Variants in COL5A2 observed in about 807,000 individuals in gnomAD.
COL5A2 encodes the protein collagen type V alpha 2 chain.
In COL5A2, 23 loss-of-function variants were observed where a neutral mutation model predicts 208.2. That is an observed-to-expected ratio of 0.11 (90% CI 0.08 to 0.16). The LOEUF is 0.16. COL5A2 is among the 10% of genes least tolerant of loss of function. The pLI is 1.00. For missense variants in COL5A2, 1,590 were observed against 1,956.4 expected (o/e 0.81, Z 3.53); for synonymous variants, 625 against 628.5 (o/e 0.99, Z 0.08).
At chr2:189,233,182 A>G in the COL5A2 span, among the ~76,000 whole-genome samples, 3 of 151,740 alleles carry the variant, frequency 2.0e-5, no homozygotes, top group Non-Finnish European at 2.9e-5. Context: ...CAGAGGGTAC[A>G]AATCATTGTT....
chr2:189,067,647 C>G (rs1266776227), intron 21 of COL5A2, among the ~76,000 whole-genome samples: 1 of 152,028 alleles, frequency 6.6e-6, no homozygotes, highest in Non-Finnish European at 1.5e-5. Context: ...GTTGTTGAAC[C>G]CTAGCCTAAT....
At chr2:189,185,298 C>T (rs1688836517) in intron 1 of COL5A2, among the ~76,000 whole-genome samples, 1 of 152,218 alleles carries the variant, frequency 6.6e-6, no homozygotes, top group Admixed American at 6.5e-5. Flanking sequence ...GCTGGGATTA[C>T]AGGCGTGAGC....
At chr2:189,128,314 G>T (rs780695349) in intron 1 of COL5A2, among the ~76,000 whole-genome samples, 45 of 151,984 alleles carry the variant, frequency 3.0e-4, no homozygotes, top group Admixed American at 3.9e-4. Context: ...GCAAATCCCA[G>T]TAATTATCTT....
the COL5A2 span, among the ~76,000 whole-genome samples, chr2:189,320,708 A>G: frequency 2.3e-4 from 35 of 152,366 alleles, 1 homozygote; most frequent in Non-Finnish European, 1.0e-4. Context: ...CCTGAAAGTG[A>G]TGGGGAGAAT....
intron 18 of COL5A2, among the ~76,000 whole-genome samples, chr2:189,070,685 T>C (rs540680747): frequency 6.6e-6 from 1 of 152,278 alleles, no homozygotes; most frequent in East Asian, 1.9e-4. Context: ...ATTCATAGAT[T>C]TGTGAGTATT....
At chr2:189,145,928 T>G (rs1254968309) in intron 1 of COL5A2, among the ~76,000 whole-genome samples, 1 of 151,986 alleles carries the variant, frequency 6.6e-6, no homozygotes, top group Non-Finnish European at 1.5e-5. Context: ...TGTACATGAG[T>G]GAGGTAATGA....
At chr2:189,381,143 A>C in the COL5A2 span, among the ~76,000 whole-genome samples, 17 of 152,040 alleles carry the variant, frequency 1.1e-4, no homozygotes, top group African/African-American at 3.9e-4. Flanking sequence ...GGATGAAGGA[A>C]GAGTACTCAC....
the COL5A2 span, among the ~76,000 whole-genome samples, chr2:189,358,456 A>C: frequency 7.2e-5 from 11 of 152,302 alleles, no homozygotes; most frequent in East Asian, 2.1e-3. Flanking sequence ...TGACATTTTC[A>C]TGCTGTTTGG....
chr2:189,342,690 G>A, the COL5A2 span, among the ~76,000 whole-genome samples: 31 of 144,920 alleles, frequency 2.1e-4, no homozygotes, highest in Admixed American at 4.1e-4. Context: ...CAATAAATAT[G>A]TTGTTTTTGA....
the COL5A2 span, among the ~76,000 whole-genome samples, chr2:189,303,459 G>T: frequency 6.6e-6 from 1 of 152,108 alleles, no homozygotes; most frequent in African/African-American, 2.4e-5. Context: ...TCACCCTGGA[G>T]TTGGTCCTGT....
intron 1 of COL5A2, among the ~76,000 whole-genome samples, chr2:189,197,645 C>T (rs1689021955): frequency 6.6e-6 from 1 of 150,422 alleles, no homozygotes; most frequent in South Asian, 2.1e-4. Flanking sequence ...ATTTATTCTA[C>T]AAATGATCGT....
chr2:189,311,624 A>C, the COL5A2 span: 2 of 875,802 alleles, frequency 2.3e-6, no homozygotes, highest in African/African-American at 3.3e-5. Flanking sequence ...CATAGAGTCC[A>C]GGTCCATCTC....
intron 31 of COL5A2, among the ~76,000 whole-genome samples, chr2:189,060,387 A>T (rs1160009451): frequency 6.6e-6 from 1 of 151,436 alleles, no homozygotes; most frequent in East Asian, 1.9e-4. Context: ...AATCATTCAA[A>T]GAAAAATAAA....
the COL5A2 span, among the ~76,000 whole-genome samples, chr2:189,318,970 T>C: frequency 6.6e-3 from 1,001 of 152,254 alleles, 7 homozygotes; most frequent in Non-Finnish European, 0.011. Flanking sequence ...TCTCAAAGTA[T>C]TCATATCCCC....
At chr2:189,261,629 C>T in the COL5A2 span, among the ~76,000 whole-genome samples, 1 of 152,194 alleles carries the variant, frequency 6.6e-6, no homozygotes, top group Non-Finnish European at 1.5e-5. Flanking sequence ...TATTTGGCTT[C>T]ATGACCCAGA....
the COL5A2 span, among the ~76,000 whole-genome samples, chr2:189,344,714 A>C: frequency 6.6e-6 from 1 of 152,200 alleles, no homozygotes; most frequent in African/African-American, 2.4e-5. Flanking sequence ...AAAGACACTA[A>C]CCTATCCAGA....
At chr2:189,297,876 A>C in the COL5A2 span, among the ~76,000 whole-genome samples, 2 of 152,156 alleles carry the variant, frequency 1.3e-5, no homozygotes, top group Admixed American at 6.5e-5. Flanking sequence ...AATATCATTT[A>C]TTTTTTCAAC....
At chr2:189,121,485 T>C (rs1236906688) in intron 1 of COL5A2, among the ~76,000 whole-genome samples, 1 of 151,752 alleles carries the variant, frequency 6.6e-6, no homozygotes, top group African/African-American at 2.4e-5. Context: ...GGTATGTCCA[T>C]GGGAAGGTGC....
chr2:189,136,571 T>A (rs556053211), intron 1 of COL5A2, among the ~76,000 whole-genome samples: 2 of 151,020 alleles, frequency 1.3e-5, no homozygotes, highest in Admixed American at 1.3e-4. Context: ...ATCTTGTGTT[T>A]GTATGTTTAC....
Sources: gnomAD v4.1 joint callset for allele counts (sites outside exome capture counted in the v4.1 genomes callset) on GRCh38, gnomAD v4.1.1 for gene constraint, MANE v1.5 for transcripts, NCBI Gene and HGNC (gene_info 2026-07-23, HGNC 2026-07-21) for gene names.